PCSK2: variants seen among roughly 807,000 people sequenced by gnomAD.
The protein encoded by PCSK2 is neuroendocrine convertase 2.
A neutral mutation model predicts 69.7 loss-of-function variants in PCSK2; 14 were observed. That is an observed-to-expected ratio of 0.20 (90% CI 0.13 to 0.31). The LOEUF is 0.31. Among genes scored for constraint, PCSK2 ranks in the 10% least tolerant of loss-of-function variants. The pLI is 1.00. For missense variants in PCSK2, 544 were observed against 842.5 expected, an observed-to-expected ratio of 0.65 and a Z score of 4.39; for synonymous variants, 307 against 320.7, an observed-to-expected ratio of 0.96 and a Z score of 0.46.
intron 6 of PCSK2, among the ~76,000 whole-genome samples, chr20:17,417,532 C>T (rs1373088479): frequency 1.3e-5 from 2 of 152,170 alleles, no homozygotes; most frequent in Admixed American, 1.3e-4. Flanking sequence ...GATGATGCCA[C>T]CACTCAAATC....
At chr20:17,449,251 C>T (rs1275921780) in intron 8 of PCSK2, among the ~76,000 whole-genome samples, 2 of 152,074 alleles carry the variant, frequency 1.3e-5, no homozygotes, top group African/African-American at 2.4e-5. Context: ...GTGGAGACCC[C>T]GCCCCCCAGC....
At chr20:17,321,913 G>T (rs1410264609) in intron 2 of PCSK2, among the ~76,000 whole-genome samples, 1 of 152,052 alleles carries the variant, frequency 6.6e-6, no homozygotes, top group Non-Finnish European at 1.5e-5. Context: ...GCATAACAAA[G>T]GAAGAAAAAT....
At chr20:17,387,106 A>C (rs1310607949) in intron 5 of PCSK2, among the ~76,000 whole-genome samples, 1 of 152,182 alleles carries the variant, frequency 6.6e-6, no homozygotes, top group African/African-American at 2.4e-5. Context: ...TCCTGCCTCT[A>C]TATTTAGTTA....
chr20:17,452,402 A>G (rs1666254674), intron 8 of PCSK2, among the ~76,000 whole-genome samples: 1 of 152,236 alleles, frequency 6.6e-6, no homozygotes, highest in African/African-American at 2.4e-5. Context: ...TCAATCAATC[A>G]CAGGCTGATT....
chr20:17,254,316 G>A (rs1987099951), intron 1 of PCSK2, among the ~76,000 whole-genome samples: 1 of 152,126 alleles, frequency 6.6e-6, no homozygotes, highest in African/African-American at 2.4e-5. Flanking sequence ...TCTAAGAGTT[G>A]TACAATATTA....
chr20:17,287,879 T>A (rs534145904), intron 2 of PCSK2, among the ~76,000 whole-genome samples: 5 of 152,338 alleles, frequency 3.3e-5, no homozygotes, highest in African/African-American at 1.2e-4. Context: ...ATAGCTTTAC[T>A]CTGGTGGCCT....
chr20:17,384,424 C>CT (rs1568627621), intron 5 of PCSK2, among the ~76,000 whole-genome samples: 1,722 of 76,294 alleles, frequency 0.023, 21 homozygotes, highest in South Asian at 0.089. Context: ...TCCATATCTA[C>CT]CAAAAAAAAA....
chr20:17,439,818 C>G (rs2032559964), intron 8 of PCSK2, among the ~76,000 whole-genome samples: 1 of 152,166 alleles, frequency 6.6e-6, no homozygotes, highest in African/African-American at 2.4e-5. Flanking sequence ...TGGATCTAAC[C>G]CCCAGACTTG....
intron 2 of PCSK2, among the ~76,000 whole-genome samples, chr20:17,305,870 C>A (rs1989311030): frequency 6.6e-6 from 1 of 152,134 alleles, no homozygotes; most frequent in Non-Finnish European, 1.5e-5. Context: ...TAGCACTATG[C>A]CATATACACA....
chr20:17,285,157 T>C (rs1988468172), intron 2 of PCSK2, among the ~76,000 whole-genome samples: 1 of 152,206 alleles, frequency 6.6e-6, no homozygotes, highest in Non-Finnish European at 1.5e-5. Context: ...GAATTCTTCT[T>C]AACCCTGTGA....
chr20:17,418,491 A>G (rs1420821299), intron 6 of PCSK2, among the ~76,000 whole-genome samples: 2 of 152,198 alleles, frequency 1.3e-5, no homozygotes, highest in Non-Finnish European at 2.9e-5. Flanking sequence ...AGGAGGCAGC[A>G]TTCTAAGAAG....
intron 5 of PCSK2, among the ~76,000 whole-genome samples, chr20:17,406,613 C>G (rs186321920): frequency 1.3e-5 from 2 of 152,162 alleles, no homozygotes. Flanking sequence ...CTGCCATGTC[C>G]GGCCAAACTA....
chr20:17,250,499 T>A (rs1440359024), intron 1 of PCSK2, among the ~76,000 whole-genome samples: 1 of 152,192 alleles, frequency 6.6e-6, no homozygotes, highest in African/African-American at 2.4e-5. Context: ...TTCTCCACTA[T>A]AAAGATACAT....
Position 17,227,063 on chromosome 20 carries a change from G to A in PCSK2, c.-243G>A. On this transcript the variant is annotated 5_prime_UTR_variant, in exon 1 of 12. Transcript: ENST00000262545. ...TCGCTCTTTCTCTCCGGTACACACAGCTCCCCACATTCGCACCCCTGCCCG... is the reference window on the plus strand; with the variant it reads ...TCGCTCTTTCTCTCCGGTACACACAACTCCCCACATTCGCACCCCTGCCCG... The A allele has an allele frequency of 1.9e-6, 1 of 526,858 alleles. No homozygotes were observed. The highest frequency in any genetic ancestry group is 3.2e-5 in the East Asian group (1 of 31,624). 32.6% of individuals were successfully genotyped at this position (526,858 alleles called of 1,614,324 possible).
intron 5 of PCSK2, among the ~76,000 whole-genome samples, chr20:17,396,376 G>A (rs2031511758): frequency 6.6e-6 from 1 of 152,182 alleles, no homozygotes; most frequent in Non-Finnish European, 1.5e-5. Flanking sequence ...TCTGCAGGCT[G>A]CCCTCTTCCT....
At chr20:17,303,785 C>T (rs372442959) in intron 2 of PCSK2, among the ~76,000 whole-genome samples, 5 of 147,586 alleles carry the variant, frequency 3.4e-5, no homozygotes, top group Admixed American at 2.1e-4. Flanking sequence ...CCATGTTGTC[C>T]AGGTTGGTCT....
At chr20:17,247,175 C>G in intron 1 of PCSK2, among the ~76,000 whole-genome samples, 1 of 152,196 alleles carries the variant, frequency 6.6e-6, no homozygotes, top group East Asian at 1.9e-4. Context: ...CCTCCAGCAG[C>G]CTACCCCAGA....
intron 5 of PCSK2, among the ~76,000 whole-genome samples, chr20:17,378,237 G>A (rs1417327345): frequency 6.6e-6 from 1 of 152,196 alleles, no homozygotes; most frequent in East Asian, 1.9e-4. Context: ...TTTAAAGAAT[G>A]CAGCTCACCA....
chr20:17,398,188 G>T (rs577710563), intron 5 of PCSK2, among the ~76,000 whole-genome samples: 1 of 152,222 alleles, frequency 6.6e-6, no homozygotes, highest in South Asian at 2.1e-4. Flanking sequence ...GAAAGGAAAA[G>T]CGGGGAATCA....
Sources: gnomAD v4.1 joint callset for allele counts (sites outside exome capture counted in the v4.1 genomes callset) on GRCh38, gnomAD v4.1.1 for gene constraint, MANE v1.5 for transcripts, NCBI Gene and HGNC (gene_info 2026-07-23, HGNC 2026-07-21) for gene names.